The following SEC24A variants were observed in gnomAD, a reference collection of about 807,000 sequenced individuals.
SEC24A encodes the protein SEC24 homolog A, COPII component, also known as protein transport protein Sec24A.
In SEC24A, 93 loss-of-function variants were observed where a neutral mutation model predicts 129.4. That is an observed-to-expected ratio of 0.72 (90% CI 0.61 to 0.85). The LOEUF (loss-of-function observed/expected upper bound fraction) is 0.85, where lower values mean the gene tolerates loss of function less well. SEC24A is among the 40% of genes least tolerant of loss of function. SEC24A has a pLI of 0.00. For synonymous variants in SEC24A, 460 were observed against 467.3 expected (o/e 0.98, Z 0.20); for missense variants, 1,264 against 1,307.4 (o/e 0.97, Z 0.51).
chr5:134,691,943 T>TAA (rs113496663), intron 11 of SEC24A, among the ~76,000 whole-genome samples: 4 of 137,610 alleles, frequency 2.9e-5, no homozygotes, highest in Non-Finnish European at 4.7e-5. Context: ...GCCAGCCATT[T>TAA]AAAAAAAAAA....
chr5:134,709,606 G>T (rs1344133600), intron 18 of SEC24A, among the ~76,000 whole-genome samples: 1 of 152,178 alleles, frequency 6.6e-6, no homozygotes, highest in East Asian at 1.9e-4. Flanking sequence ...GTTACTAGAG[G>T]CTGGGTGGTG....
chr5:134,691,787 C>A (rs1751664680), intron 11 of SEC24A, among the ~76,000 whole-genome samples: 1 of 151,932 alleles, frequency 6.6e-6, no homozygotes, highest in Admixed American at 6.6e-5. Flanking sequence ...GCCCGGCCGA[C>A]CTTCTTTATG....
At chr5:134,703,265 A>T in intron 15 of SEC24A, among the ~76,000 whole-genome samples, 1 of 151,714 alleles carries the variant, frequency 6.6e-6, no homozygotes, top group Non-Finnish European at 1.5e-5. Flanking sequence ...TCGTCCAAAA[A>T]TGTTTTTTGT....
At chr5:134,717,536 CAA>C (rs1315905121) in intron 19 of SEC24A, among the ~76,000 whole-genome samples, 1 of 151,966 alleles carries the variant, frequency 6.6e-6, no homozygotes. Context: ...AAAAAGGAAA[CAA>C]GATCAGAAGT....
intron 15 of SEC24A, among the ~76,000 whole-genome samples, 197 bp downstream of exon 15, chr5:134,698,254 T>C (rs1751889527): frequency 6.6e-6 from 1 of 152,148 alleles, no homozygotes; most frequent in African/African-American, 2.4e-5. Flanking sequence ...CACTGACTTA[T>C]ATATTTTTAA....
chr5:134,659,071 A>ATTTATTTATTTT (rs1307741820), intron 1 of SEC24A, among the ~76,000 whole-genome samples: 19 of 149,448 alleles, frequency 1.3e-4, no homozygotes, highest in Non-Finnish European at 8.9e-5. Flanking sequence ...TTATTTATTT[A>ATTTATTTATTTT]TTTATTTATT....
At chr5:134,699,163 C>T (rs901758820) in intron 15 of SEC24A, among the ~76,000 whole-genome samples, 1 of 152,032 alleles carries the variant, frequency 6.6e-6, no homozygotes, top group Non-Finnish European at 1.5e-5. Context: ...CTCGTGGGCT[C>T]ACGTGATCTT....
intron 13 of SEC24A, among the ~76,000 whole-genome samples, chr5:134,695,214 C>CA (rs753046927): frequency 2.6e-5 from 4 of 151,386 alleles, no homozygotes; most frequent in Non-Finnish European, 4.4e-5. Flanking sequence ...TACAAAAATA[C>CA]AAAAAAAATT....
At chr5:134,681,750 C>G (rs1408767036) in intron 8 of SEC24A, among the ~76,000 whole-genome samples, 2 of 151,996 alleles carry the variant, frequency 1.3e-5, no homozygotes, top group Non-Finnish European at 2.9e-5. Context: ...TTAGAAAATA[C>G]TCTTTGACCA....
chr5:134,710,274 C>T (rs187795265), intron 18 of SEC24A, among the ~76,000 whole-genome samples: 1,685 of 151,644 alleles, frequency 0.011, 19 homozygotes, highest in Non-Finnish European at 0.015. Context: ...CGCAGTGGCA[C>T]GATCTCGGCT....
chr5:134,691,232 C>T (rs532323185), intron 11 of SEC24A, among the ~76,000 whole-genome samples: 13 of 148,990 alleles, frequency 8.7e-5, no homozygotes, highest in East Asian at 7.9e-4. Context: ...TGCAGTGGCG[C>T]GATCTTGGTG....
intron 1 of SEC24A, 110 bp from the exon 2 acceptor site, chr5:134,661,009 A>T: frequency 1.3e-6 from 1 of 797,236 alleles, no homozygotes; most frequent in Non-Finnish European, 2.0e-6. Context: ...TTATTTTTTA[A>T]TTGAGTTATG....
chr5:134,663,749 T>C (rs769042709), intron 2 of SEC24A, among the ~76,000 whole-genome samples: 9 of 152,120 alleles, frequency 5.9e-5, no homozygotes, highest in Non-Finnish European at 1.2e-4. Flanking sequence ...AATCTGAAAT[T>C]TCTTTAGCTA....
At chr5:134,704,390 G>A (rs1432710533) in intron 16 of SEC24A, among the ~76,000 whole-genome samples, 2 of 152,042 alleles carry the variant, frequency 1.3e-5, no homozygotes, top group African/African-American at 4.8e-5. Context: ...ATTACCAAAA[G>A]CAGTAAACCA....
rs75553085 is a variant in SEC24A at position 134,727,809 on chromosome 5, T to TA, written c.*2729dup. ...GTAATTTTCACTGTTTTATTCCTGT[T>TA]AAAAAAAAAAAAAAGTCATTTGTAA... On this transcript the variant is annotated 3_prime_UTR_variant, in exon 23 of 23. Transcript: ENST00000398844. 0.012 allele frequency: 1,741 copies of TA among 143,632 alleles called. 15 individuals carry two copies. The highest frequency in any genetic ancestry group is 0.07 in the East Asian group (351 of 5,042). 8.9% of individuals were successfully genotyped at this position (143,632 alleles called of 1,614,324 possible).
chr5:134,697,245 G>A lies in SEC24A; in HGVS notation c.2106G>A (p.Leu702=). ...GACAGTATTCTGATTTGGCTTCTCT[G>A]GGTAAGTTCTTCGTAATGATTTTTT... is the stretch of plus-strand genomic sequence containing the variant. ...LSGQYSDLAS[L]GCISRYSAGS... is the part of the protein sequence containing the mutation. Residue 702 remains leucine, a splice_region_variant and synonymous_variant, in exon 14 of 23, where the codon CTG becomes CTA. Transcript: ENST00000398844. 1 of 1,586,540 alleles carries A rather than the reference G, an allele frequency of 6.3e-7. No individual in the cohort carries two copies. The highest frequency in any genetic ancestry group is 8.6e-7 in the Non-Finnish European group (1 of 1,162,938).
intron 13 of SEC24A, among the ~76,000 whole-genome samples, chr5:134,696,584 C>T (rs1182054173): frequency 2.0e-5 from 3 of 152,000 alleles, no homozygotes; most frequent in Non-Finnish European, 2.9e-5. Flanking sequence ...CTGCAAGCTC[C>T]GCCTCCTGGG....
At chr5:134,671,214 A>C (rs1251234323) in intron 3 of SEC24A, among the ~76,000 whole-genome samples, 1 of 151,810 alleles carries the variant, frequency 6.6e-6, no homozygotes, top group African/African-American at 2.4e-5. Flanking sequence ...ACGCGCCACC[A>C]CACCCAGCTA....
chr5:134,675,712 T>C lies in SEC24A; in HGVS notation c.1152-311T>C, dbSNP rs376648930. On this transcript the variant is annotated intron_variant, in intron 6 of 22. Coordinates refer to ENST00000398844, the MANE Select transcript of SEC24A (RefSeq NM_021982.3). Reference sequence around the variant, plus strand: ...ATAATAGACTTTGCAATTTGGGCCATCACCTAAGTTTAATTTAATTCCAGT... The same window carrying C: ...ATAATAGACTTTGCAATTTGGGCCACCACCTAAGTTTAATTTAATTCCAGT... Among the ~76,000 whole-genome samples the C allele has an allele frequency of 7.4e-4, 112 of 152,322 alleles. 5 individuals are homozygous for C. In the South Asian group the frequency reaches 0.023, roughly 31 times the overall value.
Sources: gnomAD v4.1 joint callset for allele counts (sites outside exome capture counted in the v4.1 genomes callset) on GRCh38, gnomAD v4.1.1 for gene constraint, MANE v1.5 for transcripts, NCBI Gene and HGNC (gene_info 2026-07-23, HGNC 2026-07-21) for gene names.